The following PKHD1 variants were observed in gnomAD, a reference collection of about 807,000 sequenced individuals.
The protein encoded by PKHD1 is PKHD1 ciliary IPT domain containing fibrocystin/polyductin, also known as fibrocystin.
PKHD1 carries 291 observed loss-of-function variants against 412.0 expected under a neutral mutation model. The ratio of observed to expected loss-of-function variants is 0.71; its 90% CI spans 0.64 to 0.78. The LOEUF is 0.78. PKHD1 is among the 30% of genes least tolerant of loss of function. The pLI, the probability that PKHD1 is intolerant of heterozygous loss-of-function variation, is 0.00. For missense variants in PKHD1, 4,825 were observed against 4,950.7 expected (o/e 0.97, Z 0.76); for synonymous variants, 1,777 against 1,821.5 (o/e 0.98, Z 0.62).
intron 21 of PKHD1, among the ~76,000 whole-genome samples, chr6:52,050,647 C>A (rs1285759566): frequency 6.6e-6 from 1 of 152,134 alleles, no homozygotes; most frequent in Non-Finnish European, 1.5e-5. Context: ...CTTTCCTTCC[C>A]ACAGCCCCTG....
intron 36 of PKHD1, among the ~76,000 whole-genome samples, chr6:51,941,922 C>G (rs1311996055): frequency 6.6e-6 from 1 of 151,576 alleles, no homozygotes; most frequent in East Asian, 1.9e-4. Flanking sequence ...CAAATTTCTT[C>G]CTCATCTGTT....
At chr6:51,694,581 GACCAGGTTTC>G (rs1255455922) in intron 60 of PKHD1, among the ~76,000 whole-genome samples, 16 of 85,642 alleles carry the variant, frequency 1.9e-4, no homozygotes, top group African/African-American at 7.3e-4. Flanking sequence ...TTTTGGTTGA[GACCAGGTTTC>G]ACCATGTCGG....
chr6:51,723,448 C>G (rs544785197), intron 60 of PKHD1, among the ~76,000 whole-genome samples: 4 of 152,248 alleles, frequency 2.6e-5, no homozygotes, highest in South Asian at 4.1e-4. Context: ...TTTCTAATTA[C>G]CTGGGTACTG....
chr6:52,033,158 T>A lies in PKHD1; in HGVS notation c.3236A>T (p.Asp1079Val). 1 of 1,612,588 alleles carries A rather than the reference T, an allele frequency of 6.2e-7. No homozygotes were observed. Among genetic ancestry groups the A allele is most frequent in the South Asian group, 1.1e-5 (1 of 91,058 alleles). ...CACAGTCACATTCACAATGCGTCCA[T>A]CTTTCCCCTGAAAAATCAATTTTAA... ...IQCKVPPRGKDGRIVNVTVIR... is the reference protein window; with the variant it reads ...IQCKVPPRGKVGRIVNVTVIR... Residue 1079 changes from aspartate (D) to valine (V), a missense_variant, in exon 29 of 67, where the codon GAT becomes GTT. Asp to Val is a radical substitution (Grantham distance 152, BLOSUM62 -3). Transcript: ENST00000371117.
intron 63 of PKHD1, among the ~76,000 whole-genome samples, chr6:51,646,155 C>G (rs531302470): frequency 6.6e-6 from 1 of 152,238 alleles, no homozygotes; most frequent in Admixed American, 6.5e-5. Context: ...TAGGTTATAT[C>G]AGGTTGACAT....
chr6:51,790,906 C>T (rs952773940), intron 53 of PKHD1, among the ~76,000 whole-genome samples: 7 of 152,160 alleles, frequency 4.6e-5, no homozygotes, highest in East Asian at 1.9e-4. Flanking sequence ...TCTGAAAGAG[C>T]GAGTTAAAGG....
In PKHD1 at chr6:52,010,387, C is replaced by T; in HGVS notation, c.5673G>A (p.Glu1891=). 1 of 1,612,088 alleles carries T rather than the reference C, an allele frequency of 6.2e-7. No homozygotes were observed. Among genetic ancestry groups the T allele is most frequent in the Non-Finnish European group, 8.5e-7 (1 of 1,178,182 alleles). The change falls in exon 35 of 67, where the codon GAG becomes GAA. Residue 1891 remains glutamate, a synonymous_variant. Transcript: ENST00000371117. ...SCNITMETEA[E]MECETPNQPI... is the part of the protein sequence containing the mutation. ...GCTGATTGGGCGTCTCACACTCCAT[C>T]TCTGCCTCAGTTTCCATGGTAATGT...
intron 60 of PKHD1, among the ~76,000 whole-genome samples, chr6:51,734,226 C>T (rs1783564642): frequency 6.6e-6 from 1 of 152,142 alleles, no homozygotes; most frequent in Non-Finnish European, 1.5e-5. Flanking sequence ...TTTTAATACA[C>T]ATGGTGGTCT....
At chr6:51,891,221 C>T (rs1779066836) in intron 43 of PKHD1, among the ~76,000 whole-genome samples, 1 of 152,138 alleles carries the variant, frequency 6.6e-6, no homozygotes, top group Admixed American at 6.5e-5. Context: ...TTTTTATTGA[C>T]TTTAATTTCC....
chr6:51,713,507 T>C (rs1208885068), intron 60 of PKHD1, among the ~76,000 whole-genome samples: 4 of 152,224 alleles, frequency 2.6e-5, no homozygotes, highest in Non-Finnish European at 5.9e-5. Flanking sequence ...AAGGGCAATG[T>C]AAGACAGAAA....
intron 43 of PKHD1, among the ~76,000 whole-genome samples, chr6:51,895,027 C>G (rs1323935569): frequency 6.6e-6 from 1 of 152,242 alleles, no homozygotes; most frequent in Non-Finnish European, 1.5e-5. Flanking sequence ...TACACATACA[C>G]ACAAATACAT....
At chr6:51,831,772 C>A (rs907238687) in intron 51 of PKHD1, among the ~76,000 whole-genome samples, 2 of 152,152 alleles carry the variant, frequency 1.3e-5, no homozygotes, top group Non-Finnish European at 1.5e-5. Flanking sequence ...TCTATTGATT[C>A]TGCCTTTGAT....
chr6:52,083,107 C>A (rs1038217511), intron 3 of PKHD1, 71 bp downstream of exon 3: 2 of 1,063,534 alleles, frequency 1.9e-6, no homozygotes, highest in African/African-American at 3.1e-5. Context: ...GGAAGAAAAC[C>A]AAAGACTCAT....
chr6:52,028,031 G>A lies in PKHD1; in HGVS notation c.3560+125C>T. On this transcript the variant is annotated intron_variant, in intron 30 of 66. Transcript: ENST00000371117. ...TCTCTAAGATTTGTTCCAATGTTAT[G>A]ATGTTCATGTCTTTAACCTCTAACT... 7 of 1,190,450 alleles carry A rather than the reference G, an allele frequency of 5.9e-6. No homozygotes were observed. In the South Asian group the frequency reaches 8.5e-5, roughly 15 times the overall value. The allele number at this position is 1,190,450 out of a possible 1,614,324, so 73.7% of individuals were successfully genotyped here. A position where few individuals can be genotyped will look rare whatever the true frequency, so the allele number is the denominator to read the frequency against.
chr6:52,055,526 A>G, intron 19 of PKHD1, 61 bp downstream of exon 19: 1 of 1,582,626 alleles, frequency 6.3e-7, no homozygotes, highest in South Asian at 1.1e-5. Context: ...TCAGTCTTGA[A>G]TCCAGAGAGC....
intron 56 of PKHD1, among the ~76,000 whole-genome samples, chr6:51,754,532 A>G (rs1205848019): frequency 2.0e-5 from 3 of 152,188 alleles, no homozygotes; most frequent in Admixed American, 6.5e-5. Context: ...TAGATTTGCC[A>G]TTATAAATAA....
chr6:51,773,247 A>T (rs1582604920), intron 54 of PKHD1, among the ~76,000 whole-genome samples: 1 of 151,964 alleles, frequency 6.6e-6, no homozygotes, highest in Admixed American at 6.6e-5. Context: ...TAGTGGCTGG[A>T]CTTAATATTT....
chr6:51,958,626 C>T (rs1210767101), intron 36 of PKHD1, among the ~76,000 whole-genome samples: 1 of 152,038 alleles, frequency 6.6e-6, no homozygotes, highest in Admixed American at 6.6e-5. Flanking sequence ...AAGGCCAAGA[C>T]CTTTGAATGC....
intron 37 of PKHD1, among the ~76,000 whole-genome samples, chr6:51,933,313 T>C (rs1426901322): frequency 6.6e-6 from 1 of 152,204 alleles, no homozygotes; most frequent in East Asian, 1.9e-4. Context: ...CTAATCTATT[T>C]TCTCCTGGGA....
Sources: allele counts gnomAD v4.1 joint callset (sites outside exome capture counted in the v4.1 genomes callset), GRCh38; gene constraint gnomAD v4.1.1; transcripts MANE v1.5; gene names NCBI Gene and HGNC (gene_info 2026-07-23, HGNC 2026-07-21).